The following CTNNBL1 variants were observed in gnomAD, a reference collection of about 807,000 sequenced individuals.
The protein encoded by CTNNBL1 is catenin beta like 1.
CTNNBL1 carries 31 observed loss-of-function variants against 72.7 expected under a neutral mutation model. The observed-to-expected ratio is 0.43, with a 90% CI of 0.32 to 0.58. The LOEUF (loss-of-function observed/expected upper bound fraction) is 0.58. Ranked by LOEUF, CTNNBL1 falls within the 20% of genes least tolerant of loss-of-function variation. The pLI, the probability that CTNNBL1 is intolerant of heterozygous loss-of-function variation, is 0.08. For missense variants in CTNNBL1, 534 were observed against 725.1 expected (o/e 0.74, Z 3.03); for synonymous variants, 240 against 267.3 (o/e 0.90, Z 1.00).
At chr20:37,772,261 C>G (rs1196224279) in intron 7 of CTNNBL1, among the ~76,000 whole-genome samples, 1 of 152,230 alleles carries the variant, frequency 6.6e-6, no homozygotes, top group African/African-American at 2.4e-5. Flanking sequence ...TCACCTAGTG[C>G]CTTGTTAGGC....
rs189014737 is a variant in CTNNBL1 at position 37,706,261 on chromosome 20, A to G, written c.30+12109A>G. Reference sequence around the variant, plus strand: ...TTAAGACAACGATGAAGTCTGCTCCATCTGTTGGCTCTTCCTTTCATGAAA... The same window carrying G: ...TTAAGACAACGATGAAGTCTGCTCCGTCTGTTGGCTCTTCCTTTCATGAAA... On this transcript the variant is annotated intron_variant, in intron 1 of 15. Coordinates refer to ENST00000361383, the MANE Select transcript of CTNNBL1 (RefSeq NM_030877.5). Among the ~76,000 whole-genome samples, 418 of 152,324 alleles carry G rather than the reference A, an allele frequency of 2.7e-3. 2 individuals carry two copies. The highest frequency in any genetic ancestry group is 9.1e-3 in the African/African-American group (380 of 41,572).
At chr20:37,860,492 C>G (rs1351066188) in intron 15 of CTNNBL1, 148 bp downstream of exon 15, 7 of 678,190 alleles carry the variant, frequency 1.0e-5, no homozygotes, top group Admixed American at 6.9e-5. Flanking sequence ...GTGTCCAGGT[C>G]GTCTTTGTCA....
intron 13 of CTNNBL1, among the ~76,000 whole-genome samples, chr20:37,857,216 T>C (rs1048286786): frequency 3.3e-5 from 5 of 152,262 alleles, no homozygotes; most frequent in African/African-American, 1.2e-4. Context: ...TTTAAACTCG[T>C]TGGACATGAG....
intron 11 of CTNNBL1, among the ~76,000 whole-genome samples, chr20:37,835,017 G>A (rs1422060783): frequency 2.0e-5 from 3 of 152,210 alleles, no homozygotes; most frequent in South Asian, 4.1e-4. Context: ...GAACCTATTT[G>A]CAACATATTT....
At chr20:37,790,435 T>C (rs1420265037) in intron 10 of CTNNBL1, among the ~76,000 whole-genome samples, 1 of 152,248 alleles carries the variant, frequency 6.6e-6, no homozygotes, top group East Asian at 1.9e-4. Flanking sequence ...GCTGTGCTTC[T>C]TGATGGGGCC....
intron 11 of CTNNBL1, among the ~76,000 whole-genome samples, chr20:37,804,576 C>T (rs2071936208): frequency 1.3e-5 from 2 of 152,204 alleles, no homozygotes; most frequent in South Asian, 2.1e-4. Flanking sequence ...CTGATAGCCA[C>T]ACCTTCAGAT....
At chr20:37,783,341 CT>C (rs1407131012) in intron 10 of CTNNBL1, among the ~76,000 whole-genome samples, 1 of 151,716 alleles carries the variant, frequency 6.6e-6, no homozygotes. Flanking sequence ...TCTTTTTTAT[CT>C]TTTTTTGTTT....
chr20:37,799,946 C>A (rs1009320788), intron 10 of CTNNBL1, among the ~76,000 whole-genome samples: 1 of 152,178 alleles, frequency 6.6e-6, no homozygotes, highest in African/African-American at 2.4e-5. Flanking sequence ...GCCTGTAGCT[C>A]CAAGGGGCAC....
chr20:37,742,183 A>G (rs2073222352), intron 3 of CTNNBL1, among the ~76,000 whole-genome samples: 1 of 152,180 alleles, frequency 6.6e-6, no homozygotes, highest in Non-Finnish European at 1.5e-5. Flanking sequence ...TGGTTTCCAC[A>G]TCCCTCCTAA....
chr20:37,861,781 G>A (rs2072493631), intron 15 of CTNNBL1, among the ~76,000 whole-genome samples: 2 of 152,216 alleles, frequency 1.3e-5, no homozygotes, highest in Admixed American at 6.5e-5. Flanking sequence ...AGGGCAAGGG[G>A]ATTGAATGAG....
intron 5 of CTNNBL1, among the ~76,000 whole-genome samples, chr20:37,764,435 A>G (rs973571111): frequency 6.6e-6 from 1 of 152,254 alleles, no homozygotes; most frequent in East Asian, 1.9e-4. Flanking sequence ...TATTTCACCT[A>G]AGGAGAAGGA....
At chr20:37,819,991 C>T (rs1171917831) in intron 11 of CTNNBL1, among the ~76,000 whole-genome samples, 2 of 150,472 alleles carry the variant, frequency 1.3e-5, no homozygotes, top group Admixed American at 6.7e-5. Flanking sequence ...TCTCCTGCTT[C>T]AGCTTCCTGA....
intron 1 of CTNNBL1, among the ~76,000 whole-genome samples, chr20:37,704,913 G>A (rs1363203365): frequency 6.6e-6 from 1 of 152,190 alleles, no homozygotes; most frequent in Non-Finnish European, 1.5e-5. Context: ...TTTTGAAGGT[G>A]AATTTGGTGA....
intron 11 of CTNNBL1, among the ~76,000 whole-genome samples, chr20:37,832,735 C>T (rs557895986): frequency 1.3e-5 from 2 of 152,230 alleles, no homozygotes; most frequent in East Asian, 3.9e-4. Flanking sequence ...ATAAATAGCT[C>T]TCCTCATAGA....
intron 3 of CTNNBL1, among the ~76,000 whole-genome samples, chr20:37,743,074 G>A (rs2073231621): frequency 6.6e-6 from 1 of 151,958 alleles, no homozygotes; most frequent in Non-Finnish European, 1.5e-5. Context: ...AAAGTGCTGG[G>A]ATTACAGGCA....
chr20:37,870,131 G>A (rs972756392), intron 15 of CTNNBL1, among the ~76,000 whole-genome samples: 1 of 152,084 alleles, frequency 6.6e-6, no homozygotes, highest in African/African-American at 2.4e-5. Context: ...ACACAAGCCT[G>A]CCCACCATGA....
At chr20:37,812,540 C>T (rs1483166941) in intron 11 of CTNNBL1, among the ~76,000 whole-genome samples, 1 of 152,218 alleles carries the variant, frequency 6.6e-6, no homozygotes, top group East Asian at 1.9e-4. Flanking sequence ...AGGTACCAGA[C>T]TCTTCTGTTT....
chr20:37,862,653 A>C (rs538212429), intron 15 of CTNNBL1, among the ~76,000 whole-genome samples: 1 of 152,260 alleles, frequency 6.6e-6, no homozygotes, highest in Non-Finnish European at 1.5e-5. Flanking sequence ...GGGTCTGCAC[A>C]GACGCCATCT....
intron 10 of CTNNBL1, among the ~76,000 whole-genome samples, chr20:37,798,620 G>GC (rs1481735484): frequency 6.6e-6 from 1 of 152,032 alleles, no homozygotes; most frequent in Non-Finnish European, 1.5e-5. Flanking sequence ...TGCAATTACT[G>GC]CCCCCTCTAA....
Sources: gnomAD v4.1 joint callset for allele counts (sites outside exome capture counted in the v4.1 genomes callset) on GRCh38, gnomAD v4.1.1 for gene constraint, MANE v1.5 for transcripts, NCBI Gene and HGNC (gene_info 2026-07-23, HGNC 2026-07-21) for gene names.